MYCBP2: variants seen among roughly 807,000 people sequenced by gnomAD.
MYCBP2 encodes the protein MYC binding protein 2.
A neutral mutation model predicts 525.3 loss-of-function variants in MYCBP2; 120 were observed. The ratio of observed to expected loss-of-function variants is 0.23; its 90% CI spans 0.20 to 0.27. The LOEUF (loss-of-function observed/expected upper bound fraction) is 0.27, where lower values mean the gene tolerates loss of function less well. MYCBP2 is among the 10% of genes least tolerant of loss of function. The pLI is 1.00. For missense variants in MYCBP2, 4,149 were observed against 5,657.1 expected (o/e 0.73, Z 8.55); for synonymous variants, 1,894 against 1,955.8 (o/e 0.97, Z 0.83).
intron 1 of MYCBP2, among the ~76,000 whole-genome samples, chr13:77,322,869 G>C (rs145332191): frequency 6.6e-6 from 1 of 152,092 alleles, no homozygotes; most frequent in African/African-American, 2.4e-5. Flanking sequence ...AGAATGTTCC[G>C]ATTTTGATTG....
At chr13:77,188,863 T>A (rs2061014759) in intron 30 of MYCBP2, 88 bp downstream of exon 30, 1 of 810,046 alleles carries the variant, frequency 1.2e-6, no homozygotes, top group African/African-American at 1.8e-5. Context: ...TAGGCTAAGA[T>A]AAACTTACAA....
chr13:77,269,946 T>C (rs1002053885), intron 7 of MYCBP2, 46 bp downstream of exon 7: 1 of 1,368,564 alleles, frequency 7.3e-7, no homozygotes, highest in Non-Finnish European at 1.0e-6. Context: ...AAATCACATG[T>C]TGTAAAAGAT....
In MYCBP2 at chr13:77,203,927, T is replaced by C. The variant is rs1222928534; in HGVS notation, c.3843+1329A>G. Reference sequence around the variant, plus strand: ...GGATTAAAGACTTAAACGTTAGACCTAAAACCATAAAAACCCTAGAAGAAA... The same window carrying C: ...GGATTAAAGACTTAAACGTTAGACCCAAAACCATAAAAACCCTAGAAGAAA... On this transcript the variant is annotated intron_variant, in intron 26 of 82. Transcript: ENST00000544440. Among the ~76,000 whole-genome samples, 24 of 151,950 alleles carry C rather than the reference T, an allele frequency of 1.6e-4. No individual in the cohort carries two copies. The East Asian group carries it at 4.2e-3, about 27-fold the overall frequency.
chr13:77,315,082 C>A (rs73223468), intron 1 of MYCBP2, among the ~76,000 whole-genome samples: 3,392 of 152,048 alleles, frequency 0.022, 57 homozygotes, highest in Middle Eastern at 0.075. Flanking sequence ...TACAAGTTAC[C>A]AAAATTGACA....
At chr13:77,229,036 C>T (rs544605116) in intron 18 of MYCBP2, among the ~76,000 whole-genome samples, 1 of 152,268 alleles carries the variant, frequency 6.6e-6, no homozygotes, top group South Asian at 2.1e-4. Context: ...TAAGCACTTG[C>T]TGTGTGCTAA....
chr13:77,172,178 A>G (rs1284581143), intron 37 of MYCBP2, among the ~76,000 whole-genome samples: 2 of 151,068 alleles, frequency 1.3e-5, no homozygotes, highest in Non-Finnish European at 1.5e-5. Flanking sequence ...GGATTATAGG[A>G]GTGAGCCGCG....
chr13:77,305,518 C>G (rs946165329), intron 1 of MYCBP2, among the ~76,000 whole-genome samples: 4 of 151,832 alleles, frequency 2.6e-5, no homozygotes, highest in African/African-American at 9.7e-5. Flanking sequence ...TAGTAGTTGC[C>G]AAAAACTGAT....
chr13:77,102,900 C>A (rs1420394933), intron 55 of MYCBP2, among the ~76,000 whole-genome samples: 1 of 151,686 alleles, frequency 6.6e-6, no homozygotes, highest in African/African-American at 2.4e-5. Context: ...TTCAAAAATT[C>A]CCCCAATTAG....
intron 55 of MYCBP2, chr13:77,103,423 A>AT (rs2047376071): frequency 7.6e-6 from 3 of 392,676 alleles, no homozygotes; most frequent in African/African-American, 2.1e-5. Flanking sequence ...ATAAACTGTT[A>AT]TTTTAAATAG....
intron 55 of MYCBP2, chr13:77,118,625 G>C (rs554558316): frequency 2.7e-5 from 15 of 550,706 alleles, no homozygotes; most frequent in Non-Finnish European, 4.9e-5. Flanking sequence ...TCAGAAATGA[G>C]TGAAAATTGG....
chr13:77,236,202 T>C (rs1567005454), intron 17 of MYCBP2, among the ~76,000 whole-genome samples: 1 of 152,172 alleles, frequency 6.6e-6, no homozygotes, highest in Admixed American at 6.5e-5. Context: ...AAAAAGCTAT[T>C]AAAGAATTAA....
intron 1 of MYCBP2, among the ~76,000 whole-genome samples, chr13:77,322,642 A>G (rs1252940233): frequency 6.6e-6 from 1 of 152,248 alleles, no homozygotes; most frequent in Non-Finnish European, 1.5e-5. Flanking sequence ...ATAACACTAC[A>G]AAGTTACAAG....
In MYCBP2 at chr13:77,098,184, T is replaced by C. The variant is rs139303777; in HGVS notation, c.8970A>G (p.Arg2990=). The change falls in exon 56 of 83, where the codon CGA becomes CGG. Residue 2990 remains arginine (R), a synonymous_variant. Coordinates refer to ENST00000544440, the MANE Select transcript of MYCBP2 (RefSeq NM_015057.5). ...GCCTGGTGTGTCTATTAGCACATTT[T>C]CGACTTATTTTGGGAGATGCTCTCA... ...QEMRASPKIS[R]KCANRHTRPK... 8.8e-5 allele frequency: 142 copies of C among 1,613,794 alleles called. 1 individual carries two copies. The African/African-American group carries it at 1.4e-3, about 16-fold the overall frequency.
At chr13:77,176,032 TTA>T (rs2059672794) in intron 36 of MYCBP2, among the ~76,000 whole-genome samples, 1 of 150,144 alleles carries the variant, frequency 6.7e-6, no homozygotes, top group East Asian at 2.0e-4. Context: ...TTTTTTTTTT[TTA>T]AATGAGTTAG....
chr13:77,204,557 C>CA (rs1349873123), intron 26 of MYCBP2, among the ~76,000 whole-genome samples: 2 of 106,908 alleles, frequency 1.9e-5, no homozygotes, highest in Non-Finnish European at 3.8e-5. Context: ...GGTATATACC[C>CA]AAAGGACTAT....
intron 1 of MYCBP2, among the ~76,000 whole-genome samples, chr13:77,314,348 T>C (rs987341845): frequency 1.1e-4 from 16 of 152,316 alleles, no homozygotes; most frequent in African/African-American, 3.8e-4. Flanking sequence ...TTGCCAAAAC[T>C]TGGAAGCAAC....
At chr13:77,174,804 A>G (rs2059452937) in intron 36 of MYCBP2, among the ~76,000 whole-genome samples, 1 of 143,388 alleles carries the variant, frequency 7.0e-6, no homozygotes, top group South Asian at 2.2e-4. Flanking sequence ...TAACTTGTTC[A>G]AAGTCACGCA....
At chr13:77,295,346 A>T (rs529387170) in intron 2 of MYCBP2, among the ~76,000 whole-genome samples, 1 of 152,128 alleles carries the variant, frequency 6.6e-6, no homozygotes, top group Admixed American at 6.5e-5. Flanking sequence ...GTTGGCCAGG[A>T]TGGTCTCGAC....
intron 3 of MYCBP2, among the ~76,000 whole-genome samples, chr13:77,287,825 C>G (rs544789609): frequency 3.9e-5 from 6 of 152,298 alleles, no homozygotes; most frequent in African/African-American, 1.4e-4. Flanking sequence ...GCTCAGAGCT[C>G]TACTTCCATC....
Sources: allele counts gnomAD v4.1 joint callset (sites outside exome capture counted in the v4.1 genomes callset), GRCh38; gene constraint gnomAD v4.1.1; transcripts MANE v1.5; gene names NCBI Gene and HGNC (gene_info 2026-07-23, HGNC 2026-07-21).